The following ISOC2 variants were observed in gnomAD, a reference collection of about 807,000 sequenced individuals.
ISOC2 encodes isochorismatase domain containing 2, also known as isochorismatase domain-containing protein 2.
A neutral mutation model predicts 19.3 loss-of-function variants in ISOC2; 15 were observed. That is an observed-to-expected ratio of 0.78 (90% CI 0.52 to 1.20). The LOEUF (loss-of-function observed/expected upper bound fraction) is 1.20, where lower values mean the gene tolerates loss of function less well. Ranked by LOEUF, ISOC2 falls within the 50% of genes most tolerant of loss-of-function variation. ISOC2 has a pLI of 0.00. For synonymous variants in ISOC2, 106 were observed against 115.8 expected (o/e 0.92, Z 0.54); for missense variants, 285 against 272.4 (o/e 1.05, Z -0.33).
Position 55,456,429 on chromosome 19 carries a change from G to T in ISOC2, c.58C>A (p.Leu20Met). ...RVLPGSSVLFLCDMQEKFRHN... is the reference protein window; with the variant it reads ...RVLPGSSVLFMCDMQEKFRHN... ...CGGAACTTCTCCTGCATGTCACACA[G>T]GAACAGGACAGAGGATCCTGGGAGG... The change falls in exon 2 of 6, where the codon CTG becomes ATG. Residue 20 changes from leucine (L) to methionine (M), a missense_variant. By Grantham distance (15) the Leu-to-Met change is conservative. Coordinates refer to ENST00000425675, the MANE Select transcript of ISOC2 (RefSeq NM_001136201.2). 1 of 1,613,940 alleles carries T rather than the reference G, an allele frequency of 6.2e-7. No homozygotes were observed. Among genetic ancestry groups the T allele is most frequent in the Non-Finnish European group, 8.5e-7 (1 of 1,179,896 alleles).
At chr19:55,455,471 GAGGGGATCCA>G in intron 3 of ISOC2, 141 bp from the exon 4 acceptor site, 1 of 1,231,258 alleles carries the variant, frequency 8.1e-7, no homozygotes, top group Non-Finnish European at 1.2e-6. Context: ...CCCAGGTCAG[GAGGGGATCCA>G]AGATAGGATG....
chr19:55,461,204 A>G (rs902432135), intron 1 of ISOC2, among the ~76,000 whole-genome samples: 2 of 41,798 alleles, frequency 4.8e-5, no homozygotes, highest in African/African-American at 1.7e-4. Context: ...GGTCTCGGAA[A>G]CCCGGCCTTG....
intron 5 of ISOC2, chr19:55,453,906 C>A (rs1458118624): frequency 6.6e-6 from 1 of 152,280 alleles, no homozygotes; most frequent in Non-Finnish European, 1.5e-5. Context: ...TGCCTCATCA[C>A]CGCTTGCCTG....
At chr19:55,461,333 G>A (rs1986233286) in intron 1 of ISOC2, among the ~76,000 whole-genome samples, 179 bp downstream of exon 1, 2 of 152,158 alleles carry the variant, frequency 1.3e-5, no homozygotes, top group Admixed American at 6.5e-5. Context: ...TACAGAGGCG[G>A]CAGGCGCGAC....
chr19:55,455,135 T>C, intron 4 of ISOC2, 29 bp from the exon 5 acceptor site: 1 of 1,515,532 alleles, frequency 6.6e-7, no homozygotes, highest in Non-Finnish European at 9.2e-7. Flanking sequence ...GAGGGAAGGT[T>C]GGTGTGGACG....
intron 1 of ISOC2, chr19:55,459,772 C>A (rs1027059451): frequency 2.0e-5 from 3 of 151,584 alleles, no homozygotes; most frequent in East Asian, 3.8e-4. Context: ...CCTGGACACC[C>A]GGGCCCCAAG....
chr19:55,454,374 G>A (rs1389501477), intron 5 of ISOC2: 1 of 153,744 alleles, frequency 6.5e-6, no homozygotes, highest in Non-Finnish European at 1.4e-5. Context: ...GGTGCTCGGT[G>A]AATGTCCCAC....
Position 55,456,501 on chromosome 19 carries a change from C to G in ISOC2, c.-3-12G>C. On this transcript the variant is annotated splice_polypyrimidine_tract_variant and intron_variant, in intron 1 of 5. Coordinates refer to ENST00000425675, the MANE Select transcript of ISOC2 (RefSeq NM_001136201.2). ...GCAGCCGCCATTTTCTGGGGGTGGG[C>G]AGAGGGACGGTGGGTCAGGCCCGAG... 6.2e-7 allele frequency: 1 copy of G among 1,613,100 alleles called. No individual in the cohort carries two copies.
chr19:55,458,684 T>A (rs961869537), intron 1 of ISOC2, among the ~76,000 whole-genome samples: 1 of 151,746 alleles, frequency 6.6e-6, no homozygotes, highest in Non-Finnish European at 1.5e-5. Flanking sequence ...TGTGCCACCA[T>A]GCCTGGCTAA....
chr19:55,455,173 G>A, intron 4 of ISOC2, 67 bp from the exon 5 acceptor site: 1 of 1,570,234 alleles, frequency 6.4e-7, no homozygotes. Flanking sequence ...AGACACGCAG[G>A]CACCCTGGTG....
chr19:55,460,074 A>T (rs1986186990), intron 1 of ISOC2: 1 of 152,204 alleles, frequency 6.6e-6, no homozygotes, highest in Admixed American at 6.5e-5. Flanking sequence ...ACAGACATTC[A>T]TGTGAAACGA....
intron 2 of ISOC2, chr19:55,456,148 G>C (rs1023807749): frequency 3.4e-6 from 2 of 584,924 alleles, no homozygotes; most frequent in Non-Finnish European, 6.0e-6. Context: ...GCTGAGCCTG[G>C]ATCCTGGGTC....
chr19:55,457,710 G>T (rs1191254939), intron 1 of ISOC2, among the ~76,000 whole-genome samples: 1 of 150,712 alleles, frequency 6.6e-6, no homozygotes, highest in African/African-American at 2.4e-5. Context: ...CGCACCTGTT[G>T]TCCCAGCTAC....
intron 1 of ISOC2, among the ~76,000 whole-genome samples, 187 bp downstream of exon 1, chr19:55,461,325 C>CG (rs1325076718): frequency 1.3e-5 from 2 of 152,300 alleles, no homozygotes; most frequent in African/African-American, 4.8e-5. Flanking sequence ...AGCGCTGTTA[C>CG]AGAGGCGGCA....
chr19:55,453,305 A>C lies in ISOC2; in HGVS notation c.*3T>G. The C allele has an allele frequency of 6.2e-7, 1 of 1,602,186 alleles. No homozygotes were observed. Among genetic ancestry groups the C allele is most frequent in the Non-Finnish European group, 8.5e-7 (1 of 1,174,780 alleles). ...TGGTCTTCCCTCAAGGCAGGGTTGG[A>C]GTTCAGTGGAGGAGGGAGTTCTGGC... On this transcript the variant is annotated 3_prime_UTR_variant, in exon 6 of 6. Coordinates refer to ENST00000425675, the MANE Select transcript of ISOC2 (RefSeq NM_001136201.2).
At chr19:55,459,849 C>G (rs1400537031) in intron 1 of ISOC2, 1 of 152,310 alleles carries the variant, frequency 6.6e-6, no homozygotes, top group Non-Finnish European at 1.5e-5. Flanking sequence ...TGGAGTCTCT[C>G]TGCTGAGGGC....
chr19:55,453,250 G>A lies in ISOC2; in HGVS notation c.*58C>T. 1 of 1,285,416 alleles carries A rather than the reference G, an allele frequency of 7.8e-7. No individual in the cohort carries two copies. The highest frequency in any genetic ancestry group is 1.3e-5 in the South Asian group (1 of 75,440). 79.6% of individuals were successfully genotyped at this position (1,285,416 alleles called of 1,614,324 possible). A position where few individuals can be genotyped will look rare whatever the true frequency, so the allele number is the denominator to read the frequency against. On this transcript the variant is annotated 3_prime_UTR_variant, in exon 6 of 6. Coordinates refer to ENST00000425675, the MANE Select transcript of ISOC2 (RefSeq NM_001136201.2). ...TGGGATCCAGGGATGGGGGGAACGG[G>A]CTTCCACTGAGGTCCGGGTGACAGG...
rs563941659 is a variant in ISOC2, at chr19:55,459,059, G to T, written c.-4+2453C>A. 5.9e-5 allele frequency among the ~76,000 whole-genome samples: 9 copies of T among 152,026 alleles called. No individual in the cohort carries two copies. In the East Asian group the frequency reaches 1.7e-3, roughly 29 times the overall value. On this transcript the variant is annotated intron_variant, in intron 1 of 5. Coordinates refer to ENST00000425675, the MANE Select transcript of ISOC2 (RefSeq NM_001136201.2). Reference sequence around the variant, plus strand: ...TGATCATCCCACCTCAGCCTCCCAAGTAGCTAGAGCTACAGGTGTATGCCA... The same window carrying T: ...TGATCATCCCACCTCAGCCTCCCAATTAGCTAGAGCTACAGGTGTATGCCA...
rs956559194 is a variant in ISOC2, at chr19:55,461,640, G to C, written c.-132C>G. The C allele has an allele frequency of 5.3e-5, 8 of 152,338 alleles. No individual in the cohort carries two copies. The highest frequency in any genetic ancestry group is 8.8e-5 in the Non-Finnish European group (6 of 68,136). The allele number at this position is 152,338 out of a possible 1,614,324, so 9.4% of individuals were successfully genotyped here. ...GCTTCCCAGGGCTGGTTACCGTTTC[G>C]TTAGGGCTGGACACGTGGCCCACCC... On this transcript the variant is annotated 5_prime_UTR_variant, in exon 1 of 6. Coordinates refer to ENST00000425675, the MANE Select transcript of ISOC2 (RefSeq NM_001136201.2).
Sources: allele counts gnomAD v4.1 joint callset (sites outside exome capture counted in the v4.1 genomes callset), GRCh38; gene constraint gnomAD v4.1.1; transcripts MANE v1.5; gene names NCBI Gene and HGNC (gene_info 2026-07-23, HGNC 2026-07-21).